Variants in DLG2 observed in about 807,000 individuals in gnomAD.
The protein encoded by DLG2 is disks large homolog 2.
Under a neutral mutation model 132.5 loss-of-function variants are expected in DLG2, and 45 were observed. That is an observed-to-expected ratio of 0.34 (90% CI 0.27 to 0.44). DLG2 has a LOEUF of 0.44. Ranked by LOEUF, DLG2 falls within the 20% of genes least tolerant of loss-of-function variation. The pLI, the probability that DLG2 is intolerant of heterozygous loss-of-function variation, is 1.00. For synonymous variants in DLG2, 424 were observed against 419.6 expected, an observed-to-expected ratio of 1.01 and a Z score of -0.13; for missense variants, 1,045 against 1,196.9, an observed-to-expected ratio of 0.87 and a Z score of 1.87.
intron 6 of DLG2, among the ~76,000 whole-genome samples, chr11:84,746,331 C>T (rs1328623017): frequency 1.3e-5 from 2 of 149,590 alleles, no homozygotes; most frequent in African/African-American, 4.9e-5. Flanking sequence ...CAAAATAATT[C>T]TTTACTACTG....
intron 22 of DLG2, among the ~76,000 whole-genome samples, chr11:83,475,694 CTCTTT>C (rs145530337): frequency 0.014 from 2,113 of 148,130 alleles, 45 homozygotes; most frequent in African/African-American, 0.05. Context: ...CAAGTTCTCT[CTCTTT>C]TCTTTTCTCT....
chr11:85,199,013 A>C (rs2081260863), intron 4 of DLG2, among the ~76,000 whole-genome samples: 1 of 152,200 alleles, frequency 6.6e-6, no homozygotes, highest in Non-Finnish European at 1.5e-5. Flanking sequence ...TGGCAGTACT[A>C]TAAAGTTAAA....
intron 6 of DLG2, among the ~76,000 whole-genome samples, chr11:84,558,833 T>C (rs2099417238): frequency 6.6e-6 from 1 of 152,168 alleles, no homozygotes; most frequent in African/African-American, 2.4e-5. Context: ...TTTGCATCTA[T>C]TCAATTGAAA....
intron 22 of DLG2, 56 bp downstream of exon 22, chr11:83,484,073 T>C: frequency 7.0e-7 from 1 of 1,436,162 alleles, no homozygotes; most frequent in Non-Finnish European, 9.8e-7. Flanking sequence ...GCGTGTTGCC[T>C]GTGAATTTTT....
At chr11:85,568,702 C>T (rs1243538195) in intron 3 of DLG2, among the ~76,000 whole-genome samples, 2 of 152,156 alleles carry the variant, frequency 1.3e-5, no homozygotes, top group Non-Finnish European at 2.9e-5. Context: ...GTTCGGCATA[C>T]AATTGCTTAT....
intron 18 of DLG2, among the ~76,000 whole-genome samples, chr11:83,768,272 T>C (rs1345139029): frequency 1.3e-5 from 2 of 152,246 alleles, no homozygotes; most frequent in African/African-American, 4.8e-5. Flanking sequence ...ACGAGCCAAA[T>C]ATCTTGCTCC....
chr11:83,585,578 C>T (rs573113586), intron 19 of DLG2, among the ~76,000 whole-genome samples: 112 of 152,240 alleles, frequency 7.4e-4, no homozygotes, highest in South Asian at 1.2e-3. Flanking sequence ...GGATTTGGGA[C>T]TCAAGGATGA....
intron 3 of DLG2, among the ~76,000 whole-genome samples, chr11:85,307,788 T>C (rs909289941): frequency 1.3e-5 from 2 of 152,212 alleles, no homozygotes; most frequent in African/African-American, 4.8e-5. Context: ...TTCATTTGTG[T>C]TTAATTGGAT....
At chr11:84,953,040 C>A (rs1337671573) in intron 6 of DLG2, among the ~76,000 whole-genome samples, 1 of 152,136 alleles carries the variant, frequency 6.6e-6, no homozygotes, top group Admixed American at 6.5e-5. Flanking sequence ...CTGCCACTAC[C>A]CTAGCTTAGA....
At chr11:84,156,252 C>T (rs2095427052) in intron 9 of DLG2, among the ~76,000 whole-genome samples, 1 of 152,162 alleles carries the variant, frequency 6.6e-6, no homozygotes, top group Non-Finnish European at 1.5e-5. Flanking sequence ...ATTCTTATGA[C>T]ATTAGCAAAT....
chr11:84,137,419 G>T (rs536829484), intron 9 of DLG2, among the ~76,000 whole-genome samples: 2 of 152,114 alleles, frequency 1.3e-5, no homozygotes, highest in South Asian at 4.2e-4. Context: ...ATAATTTTCA[G>T]GTGACATGAC....
chr11:85,293,080 T>G (rs2079012938), intron 3 of DLG2, among the ~76,000 whole-genome samples: 1 of 152,154 alleles, frequency 6.6e-6, no homozygotes, highest in African/African-American at 2.4e-5. Context: ...AATCCATTAT[T>G]TCATCCTGAT....
intron 17 of DLG2, among the ~76,000 whole-genome samples, chr11:83,799,091 A>G (rs1037112320): frequency 2.6e-5 from 4 of 152,222 alleles, no homozygotes; most frequent in Non-Finnish European, 4.4e-5. Flanking sequence ...GGTGATACAT[A>G]AACTAACAAA....
chr11:83,547,461 G>T (rs2096269415), intron 19 of DLG2, among the ~76,000 whole-genome samples: 1 of 152,100 alleles, frequency 6.6e-6, no homozygotes, highest in South Asian at 2.1e-4. Flanking sequence ...GAAGACAAAA[G>T]AATGGATCAG....
intron 6 of DLG2, among the ~76,000 whole-genome samples, chr11:84,933,220 G>T (rs1191377004): frequency 6.6e-6 from 1 of 151,962 alleles, no homozygotes; most frequent in Non-Finnish European, 1.5e-5. Flanking sequence ...CTGTTCTATT[G>T]GTCTGTATGT....
intron 16 of DLG2, among the ~76,000 whole-genome samples, chr11:83,845,562 A>G (rs1048709323): frequency 2.6e-5 from 4 of 152,236 alleles, no homozygotes; most frequent in Non-Finnish European, 5.9e-5. Flanking sequence ...TTAAAATAAT[A>G]GAAAGAAATC....
intron 6 of DLG2, among the ~76,000 whole-genome samples, chr11:85,064,500 T>C (rs1391569497): frequency 6.6e-6 from 1 of 151,678 alleles, no homozygotes; most frequent in East Asian, 1.9e-4. Context: ...TATAAACAAA[T>C]CAATCTAATA....
chr11:83,768,876 G>A (rs542213444), intron 18 of DLG2, among the ~76,000 whole-genome samples: 37 of 152,288 alleles, frequency 2.4e-4, no homozygotes, highest in Non-Finnish European at 4.7e-4. Context: ...TTGGAGATAT[G>A]GTGTTTCAAA....
chr11:85,323,424 T>C (rs1272702700), intron 3 of DLG2, among the ~76,000 whole-genome samples: 1 of 152,278 alleles, frequency 6.6e-6, no homozygotes, highest in Non-Finnish European at 1.5e-5. Context: ...TTTTGATACA[T>C]GCATAGAGTG....
Sources: allele counts gnomAD v4.1 joint callset (sites outside exome capture counted in the v4.1 genomes callset), GRCh38; gene constraint gnomAD v4.1.1; transcripts MANE v1.5; gene names NCBI Gene and HGNC (gene_info 2026-07-23, HGNC 2026-07-21).